TECR: variants seen among roughly 807,000 people sequenced by gnomAD.
TECR encodes very-long-chain enoyl-CoA reductase.
Under a neutral mutation model 50.6 loss-of-function variants are expected in TECR, and 19 were observed. That is an observed-to-expected ratio of 0.38 (90% CI 0.26 to 0.55). TECR has a LOEUF of 0.55. Ranked by LOEUF, TECR falls within the 20% of genes least tolerant of loss-of-function variation. TECR has a pLI of 0.79. For missense variants in TECR, 313 were observed against 408.3 expected, an observed-to-expected ratio of 0.77 and a Z score of 2.01; for synonymous variants, 168 against 163.5, an observed-to-expected ratio of 1.03 and a Z score of -0.21.
chr19:14,530,510 T>G (rs1313836946), intron 1 of TECR: 1 of 152,234 alleles, frequency 6.6e-6, no homozygotes, highest in Non-Finnish European at 1.5e-5. Context: ...AAAATAACAA[T>G]TTAGCAAGTG....
intron 11 of TECR, 134 bp downstream of exon 11, chr19:14,565,424 C>A: frequency 1.5e-6 from 2 of 1,366,254 alleles, no homozygotes; most frequent in South Asian, 1.2e-5. Context: ...GTGGAGACCG[C>A]GGCCTCTCTG....
intron 1 of TECR, among the ~76,000 whole-genome samples, chr19:14,532,722 A>C (rs1026689254): frequency 6.6e-6 from 1 of 152,170 alleles, no homozygotes; most frequent in Non-Finnish European, 1.5e-5. Flanking sequence ...AGATTAGTTT[A>C]ACTGCATGTG....
chr19:14,541,203 C>G (rs575442614), intron 1 of TECR, among the ~76,000 whole-genome samples: 4 of 152,298 alleles, frequency 2.6e-5, no homozygotes, highest in African/African-American at 4.8e-5. Context: ...GTCTTGAACT[C>G]CTTGGTTCAA....
chr19:14,543,507 A>C (rs1432329840), intron 1 of TECR, among the ~76,000 whole-genome samples: 1 of 115,850 alleles, frequency 8.6e-6, no homozygotes, highest in South Asian at 2.9e-4. Context: ...GGCGCGATCT[A>C]GGCTCACTGC....
In TECR at chr19:14,552,044, T is replaced by A. The variant is rs143240684; in HGVS notation, c.16-10481T>A. On this transcript the variant is annotated intron_variant, in intron 1 of 12. Transcript: ENST00000215567. ...GGCTGGAGTGCAGTCAGTGGTGCAG[T>A]CATAACTCAGCCTTGACCTCCTGGG... Among the ~76,000 whole-genome samples the A allele has an allele frequency of 8.7e-5, 13 of 149,142 alleles. No homozygotes were observed. In the East Asian group the frequency reaches 2.6e-3, roughly 30 times the overall value.
chr19:14,552,503 A>G (rs2073563765), intron 1 of TECR, among the ~76,000 whole-genome samples: 1 of 151,014 alleles, frequency 6.6e-6, no homozygotes, highest in Non-Finnish European at 1.5e-5. Context: ...TTTCCAAGCC[A>G]CGTAACAGGC....
intron 1 of TECR, among the ~76,000 whole-genome samples, chr19:14,557,846 C>T (rs2073784614): frequency 6.6e-6 from 1 of 152,032 alleles, no homozygotes; most frequent in Admixed American, 6.6e-5. Context: ...AGCTCTGCCT[C>T]CCGGGTTCGC....
chr19:14,543,419 A>ATT (rs1169742953), intron 1 of TECR, among the ~76,000 whole-genome samples: 1 of 21,892 alleles, frequency 4.6e-5, no homozygotes, highest in Non-Finnish European at 7.2e-5. Flanking sequence ...ATATATATAT[A>ATT]TTTTTTTTTT....
chr19:14,548,265 T>C (rs2073373228), intron 1 of TECR, among the ~76,000 whole-genome samples: 1 of 151,990 alleles, frequency 6.6e-6, no homozygotes, highest in South Asian at 2.1e-4. Flanking sequence ...CTGGGCCTAA[T>C]GGGCATTTCA....
rs2073980450 is a variant in TECR at position 14,563,943 on chromosome 19, C to T, written c.268-39C>T. ...TACCCACGGCCTCTTTTCCCGTCAG[C>T]CACGTTGGGTGACTCATCTTGCCCC... On this transcript the variant is annotated intron_variant, in intron 5 of 12. Transcript: ENST00000215567. This position sits in a 1 kb window ranked among gnomAD's most constrained non-coding sequence, Gnocchi z 5.3. 1 of 1,613,860 alleles carries T rather than the reference C, an allele frequency of 6.2e-7. No individual in the cohort carries two copies. The highest frequency in any genetic ancestry group is 1.3e-5 in the African/African-American group (1 of 74,898).
At chr19:14,535,562 A>ATATG (rs2072858504) in intron 1 of TECR, among the ~76,000 whole-genome samples, 1 of 27,914 alleles carries the variant, frequency 3.6e-5, no homozygotes. Context: ...ATATATATAT[A>ATATG]TATATATATA....
At position 14,529,672 on chromosome 19, in the gene TECR, G is replaced by T. The variant is rs182986875; in HGVS notation, c.-25G>T. On this transcript the variant is annotated 5_prime_UTR_variant, in exon 1 of 13. Coordinates refer to ENST00000215567, the MANE Select transcript of TECR (RefSeq NM_138501.6). ...GCAGTTAGGCAGCAGCAGCCGCGGA[G>T]CAGTAGCCGCCGTGGGAGGGAGCCA... 6.2e-7 allele frequency: 1 copy of T among 1,613,834 alleles called. No individual in the cohort carries two copies. The highest frequency in any genetic ancestry group is 8.5e-7 in the Non-Finnish European group (1 of 1,180,050).
At chr19:14,556,979 C>G (rs1424220537) in intron 1 of TECR, among the ~76,000 whole-genome samples, 2 of 152,156 alleles carry the variant, frequency 1.3e-5, no homozygotes, top group African/African-American at 2.4e-5. Flanking sequence ...TGCACCAGCT[C>G]TCTGGCCCTG....
At chr19:14,534,130 CT>C (rs574085204) in intron 1 of TECR, 1,791 of 143,974 alleles carry the variant, frequency 0.012, 10 homozygotes, top group South Asian at 0.051. Context: ...TGTTTTCTTT[CT>C]TTTTTTTTTT....
chr19:14,565,042 A>T (rs373069830), intron 9 of TECR, 24 bp from the exon 10 acceptor site: 2 of 1,613,710 alleles, frequency 1.2e-6, no homozygotes, highest in African/African-American at 1.3e-5. Context: ...GGGCGGCCCT[A>T]GGCTGATCCT....
intron 1 of TECR, among the ~76,000 whole-genome samples, chr19:14,552,517 A>G (rs1173256191): frequency 5.3e-5 from 8 of 149,570 alleles, no homozygotes; most frequent in African/African-American, 2.0e-4. Context: ...AACAGGCATC[A>G]CAGTCTTTTT....
intron 1 of TECR, among the ~76,000 whole-genome samples, chr19:14,538,743 G>A (rs1318333246): frequency 1.3e-5 from 2 of 151,838 alleles, no homozygotes; most frequent in African/African-American, 4.8e-5. Flanking sequence ...ATCTTGGCCA[G>A]GCTGGTCTTG....
intron 1 of TECR, among the ~76,000 whole-genome samples, chr19:14,548,131 T>C (rs1599453977): frequency 6.6e-6 from 1 of 151,624 alleles, no homozygotes; most frequent in East Asian, 1.9e-4. Flanking sequence ...CCCAGCTAAT[T>C]TTTTGTATTT....
chr19:14,564,186 G>A lies in TECR; in HGVS notation c.388G>A (p.Ala130Thr). Reference protein sequence around the residue: ...TSSRHTVVHLACICHSFHYIK... With the variant: ...TSSRHTVVHLTCICHSFHYIK... ...GAGCCTGCTCCCCCCGACCAGCCTC[G>A]CCTGCATCTGTCACTCATTCCACTA... Residue 130 changes from alanine (A) to threonine (T), a missense_variant, in exon 7 of 13, where the codon GCC becomes ACC. Coordinates refer to ENST00000215567, the MANE Select transcript of TECR (RefSeq NM_138501.6). The A allele has an allele frequency of 1.2e-6, 2 of 1,606,954 alleles. No homozygotes were observed. The highest frequency in any genetic ancestry group is 2.2e-5 in the East Asian group (1 of 44,850).
Sources: allele counts gnomAD v4.1 joint callset (sites outside exome capture counted in the v4.1 genomes callset), GRCh38; gene constraint gnomAD v4.1.1; non-coding constraint Gnocchi (gnomAD v3.1); transcripts MANE v1.5; gene names NCBI Gene and HGNC (gene_info 2026-07-23, HGNC 2026-07-21).